ACACA: variants seen among roughly 807,000 people sequenced by gnomAD.
The protein encoded by ACACA is acetyl-CoA carboxylase 1.
ACACA carries 103 observed loss-of-function variants against 296.1 expected under a neutral mutation model. That is an observed-to-expected ratio of 0.35 (90% CI 0.30 to 0.41). The LOEUF (loss-of-function observed/expected upper bound fraction) is 0.41. Among genes scored for constraint, ACACA ranks in the 10% least tolerant of loss-of-function variants. ACACA has a pLI of 1.00. For missense variants in ACACA, 1,554 were observed against 2,989.7 expected, an observed-to-expected ratio of 0.52 and a Z score of 11.20; for synonymous variants, 953 against 1,038.6, an observed-to-expected ratio of 0.92 and a Z score of 1.58.
intron 3 of ACACA, among the ~76,000 whole-genome samples, chr17:37,302,356 A>T (rs1047225125): frequency 2.0e-5 from 3 of 151,854 alleles, no homozygotes; most frequent in Admixed American, 1.3e-4. Flanking sequence ...ATTACAGGTG[A>T]CTGCCACCAT....
At position 37,181,507 on chromosome 17, in the gene ACACA, G is replaced by T. The variant is rs1376687628; in HGVS notation, c.4777-151C>A. ...ATATGCCTCTTAACACTGGGTACTT[G>T]GTGCTCTCACCTCTCCACAGATTAA... On this transcript the variant is annotated intron_variant, in intron 39 of 55. Transcript: ENST00000616317. 5.1e-6 allele frequency: 4 copies of T among 788,288 alleles called. No individual in the cohort carries two copies. The African/African-American group carries it at 5.2e-5, about 10-fold the overall frequency. The allele number at this position is 788,288 out of a possible 1,614,324, so 48.8% of individuals were successfully genotyped here.
chr17:37,269,127 TATTG>T (rs974206549), intron 10 of ACACA, among the ~76,000 whole-genome samples: 25 of 152,140 alleles, frequency 1.6e-4, no homozygotes, highest in Admixed American at 5.2e-4. Context: ...ATACCTTATT[TATTG>T]ATTTATTTAT....
At chr17:37,387,813 A>G (rs1490830712) in intron 1 of ACACA, 1 of 152,018 alleles carries the variant, frequency 6.6e-6, no homozygotes, top group Admixed American at 6.6e-5. Context: ...TAAGATTCCA[A>G]TTTGGGTTAC....
chr17:37,277,808 T>C, intron 6 of ACACA, 88 bp downstream of exon 6: 6 of 1,049,372 alleles, frequency 5.7e-6, no homozygotes, highest in Non-Finnish European at 8.9e-6. Context: ...AATGATGCTT[T>C]ACAAAAATGT....
chr17:37,298,492 G>A (rs756992459), intron 3 of ACACA, among the ~76,000 whole-genome samples: 15 of 152,050 alleles, frequency 9.9e-5, no homozygotes, highest in Non-Finnish European at 2.1e-4. Context: ...GACTAGCCTG[G>A]GCAACACAGT....
chr17:37,154,429 A>G (rs1030788825), intron 43 of ACACA, among the ~76,000 whole-genome samples: 4 of 152,244 alleles, frequency 2.6e-5, no homozygotes, highest in Non-Finnish European at 4.4e-5. Context: ...TTAGCCCAAG[A>G]GCAGACAGAC....
chr17:37,371,899 C>CA (rs934529757), intron 1 of ACACA, among the ~76,000 whole-genome samples: 125 of 148,338 alleles, frequency 8.4e-4, no homozygotes, highest in African/African-American at 2.8e-3. Flanking sequence ...GACTACGTCT[C>CA]AAAAAAAAAT....
At chr17:37,380,251 A>G (rs1018480808) in intron 1 of ACACA, among the ~76,000 whole-genome samples, 22 of 133,430 alleles carry the variant, frequency 1.6e-4, no homozygotes, top group Non-Finnish European at 2.8e-4. Context: ...CAGGAAGGGG[A>G]ACATCAGACT....
rs977794442 is a variant in ACACA at position 37,097,413 on chromosome 17, G to A, written c.6721-247C>T. ...TGCTGATCCCACACATGGCTGAGAT[G>A]TTCTGGGGAAGAGGCTGTGAGTTCC... On this transcript the variant is annotated intron_variant, in intron 53 of 55. Transcript: ENST00000616317. This position sits in a 1 kb window ranked among gnomAD's most constrained non-coding sequence, Gnocchi z 4.8. Among the ~76,000 whole-genome samples, 2 of 152,222 alleles carry A rather than the reference G, an allele frequency of 1.3e-5. No individual in the cohort carries two copies. Among genetic ancestry groups the A allele is most frequent in the Non-Finnish European group, 2.9e-5 (2 of 68,040 alleles).
Position 37,177,895 on chromosome 17 carries a change from C to T in ACACA, c.5079+1365G>A, listed in dbSNP as rs146855348. On this transcript the variant is annotated intron_variant, in intron 41 of 55. Transcript: ENST00000616317. ...CCAATGCTTGCATCCATCTTGATAC[C>T]AAATCATCTACTGTTGGCATCCACT... 9.8e-4 allele frequency among the ~76,000 whole-genome samples: 149 copies of T among 152,258 alleles called. 1 individual carries two copies. Among genetic ancestry groups the T allele is most frequent in the African/African-American group, 3.0e-3 (124 of 41,570 alleles).
At chr17:37,160,675 C>T (rs2076425102) in intron 42 of ACACA, among the ~76,000 whole-genome samples, 1 of 151,980 alleles carries the variant, frequency 6.6e-6, no homozygotes, top group African/African-American at 2.4e-5. Context: ...ACAGAGTAAG[C>T]AGAGTGAAGA....
At chr17:37,351,951 G>A (rs561736992) in intron 1 of ACACA, among the ~76,000 whole-genome samples, 2 of 127,624 alleles carry the variant, frequency 1.6e-5, no homozygotes, top group African/African-American at 6.2e-5. Flanking sequence ...TTTTTTTTGA[G>A]ACAGAGTCTT....
intron 45 of ACACA, among the ~76,000 whole-genome samples, chr17:37,137,645 T>A (rs188672263): frequency 6.6e-6 from 1 of 152,298 alleles, no homozygotes; most frequent in Non-Finnish European, 1.5e-5. Context: ...CATATTAGTG[T>A]TATAATGTGT....
At chr17:37,338,426 G>GT (rs2048235017) in intron 2 of ACACA, among the ~76,000 whole-genome samples, 1 of 152,036 alleles carries the variant, frequency 6.6e-6, no homozygotes, top group Non-Finnish European at 1.5e-5. Flanking sequence ...GGAGGCCGAG[G>GT]CAGGTAGATC....
intron 32 of ACACA, 95 bp from the exon 33 acceptor site, chr17:37,205,967 G>T: frequency 9.4e-7 from 1 of 1,063,698 alleles, no homozygotes; most frequent in Non-Finnish European, 1.4e-6. Flanking sequence ...CTGAAAAAGA[G>T]ATACACCCCA....
At chr17:37,251,963 A>G (rs1519091) in intron 16 of ACACA, 42 bp downstream of exon 16, 338,344 of 1,548,896 alleles carry the variant, frequency 0.22, 42,387 homozygotes, top group African/African-American at 0.46. Context: ...TGTACTCAGG[A>G]CCATTGATTA....
chr17:37,387,323 T>G (rs1039238593), intron 1 of ACACA: 3 of 151,466 alleles, frequency 2.0e-5, no homozygotes, highest in African/African-American at 7.3e-5. Context: ...TTTCACTATG[T>G]TTGCCAGGCT....
intron 33 of ACACA, among the ~76,000 whole-genome samples, chr17:37,202,962 C>CTTT (rs57395863): frequency 7.9e-5 from 11 of 140,012 alleles, no homozygotes; most frequent in African/African-American, 2.9e-4. Context: ...GAAGAAAATG[C>CTTT]TTTTTTTTTT....
intron 1 of ACACA, among the ~76,000 whole-genome samples, chr17:37,350,838 A>T (rs993984340): frequency 6.6e-6 from 1 of 151,890 alleles, no homozygotes; most frequent in African/African-American, 2.4e-5. Flanking sequence ...TGTGCTTTTA[A>T]AATGTTGAAC....
Sources: allele counts gnomAD v4.1 joint callset (sites outside exome capture counted in the v4.1 genomes callset), GRCh38; gene constraint gnomAD v4.1.1; non-coding constraint Gnocchi (gnomAD v3.1); transcripts MANE v1.5; gene names NCBI Gene and HGNC (gene_info 2026-07-23, HGNC 2026-07-21).